The following GRM8 variants were observed in gnomAD, a reference collection of about 807,000 sequenced individuals.
The protein encoded by GRM8 is glutamate metabotropic receptor 8.
A neutral mutation model predicts 87.2 loss-of-function variants in GRM8; 47 were observed. That is an observed-to-expected ratio of 0.54 (90% CI 0.43 to 0.69). GRM8 has a LOEUF of 0.69. GRM8 is among the 30% of genes least tolerant of loss of function. GRM8 has a pLI of 0.00. For missense variants in GRM8, 1,019 were observed against 1,139.2 expected (o/e 0.89, Z 1.52); for synonymous variants, 396 against 404.5 (o/e 0.98, Z 0.25).
intron 3 of GRM8, among the ~76,000 whole-genome samples, chr7:127,052,430 G>A (rs1228459087): frequency 6.6e-6 from 1 of 152,034 alleles, no homozygotes; most frequent in Non-Finnish European, 1.5e-5. Flanking sequence ...AATGGGCTGG[G>A]GACTAATAAC....
intron 3 of GRM8, among the ~76,000 whole-genome samples, chr7:126,931,995 C>T (rs1249101560): frequency 2.6e-5 from 4 of 152,242 alleles, no homozygotes; most frequent in Admixed American, 6.5e-5. Flanking sequence ...ATTAACATTC[C>T]TTTTAATCTT....
At chr7:127,227,049 A>G (rs1797373395) in intron 2 of GRM8, among the ~76,000 whole-genome samples, 1 of 152,246 alleles carries the variant, frequency 6.6e-6, no homozygotes. Context: ...AAAGATCAAA[A>G]GTGTTTTCAA....
At chr7:127,198,204 G>A (rs1233998282) in intron 2 of GRM8, among the ~76,000 whole-genome samples, 1 of 151,960 alleles carries the variant, frequency 6.6e-6, no homozygotes, top group Admixed American at 6.6e-5. Context: ...TATCTGTGTT[G>A]GGAACATTAT....
At chr7:126,606,387 T>C (rs951909538) in intron 8 of GRM8, among the ~76,000 whole-genome samples, 2 of 152,200 alleles carry the variant, frequency 1.3e-5, no homozygotes, top group African/African-American at 4.8e-5. Context: ...AGGGCTTTGT[T>C]GTATTACTTC....
intron 2 of GRM8, among the ~76,000 whole-genome samples, chr7:127,154,091 A>G (rs1452194879): frequency 6.6e-6 from 1 of 152,122 alleles, no homozygotes; most frequent in Non-Finnish European, 1.5e-5. Flanking sequence ...GTAGCACCAT[A>G]TATCACTGCC....
intron 9 of GRM8, among the ~76,000 whole-genome samples, chr7:126,457,067 G>T (rs917470018): frequency 2.0e-5 from 3 of 151,512 alleles, no homozygotes; most frequent in Non-Finnish European, 3.0e-5. Flanking sequence ...GAATGTGTCT[G>T]TGTGTGTGCC....
intron 3 of GRM8, among the ~76,000 whole-genome samples, chr7:127,014,901 A>T (rs767585474): frequency 1.4e-5 from 2 of 147,258 alleles, no homozygotes; most frequent in South Asian, 4.6e-4. Flanking sequence ...CACATCCAAC[A>T]TGGGAGGGGA....
At chr7:127,017,215 C>T (rs527427697) in intron 3 of GRM8, among the ~76,000 whole-genome samples, 6 of 152,134 alleles carry the variant, frequency 3.9e-5, no homozygotes, top group African/African-American at 7.2e-5. Context: ...ACAAAATTCA[C>T]GACCTATTTT....
intron 7 of GRM8, among the ~76,000 whole-genome samples, chr7:126,738,684 T>G: frequency 1.7e-5 from 2 of 115,612 alleles, no homozygotes. Flanking sequence ...TGGTCAAGAT[T>G]ACCAGTGTGG....
At chr7:127,185,907 G>T (rs1794710007) in intron 2 of GRM8, among the ~76,000 whole-genome samples, 1 of 152,138 alleles carries the variant, frequency 6.6e-6, no homozygotes. Context: ...CATTAAGTAT[G>T]CATTACTATC....
At chr7:126,750,197 G>A (rs553374436) in intron 7 of GRM8, among the ~76,000 whole-genome samples, 36 of 152,138 alleles carry the variant, frequency 2.4e-4, no homozygotes, top group African/African-American at 8.2e-4. Flanking sequence ...TAAAAACTTC[G>A]TGCTAAGTGG....
chr7:127,171,823 T>C (rs1166188476), intron 2 of GRM8, among the ~76,000 whole-genome samples: 5 of 152,210 alleles, frequency 3.3e-5, no homozygotes, highest in Admixed American at 1.3e-4. Context: ...TATTATAATC[T>C]ACAAGTAAGC....
chr7:127,142,217 A>T (rs1438154891), intron 2 of GRM8, among the ~76,000 whole-genome samples: 1 of 151,988 alleles, frequency 6.6e-6, no homozygotes, highest in African/African-American at 2.4e-5. Context: ...GCTTCAAGTG[A>T]TCCTCTCACC....
intron 2 of GRM8, among the ~76,000 whole-genome samples, chr7:127,113,918 C>T (rs1054492652): frequency 2.0e-5 from 3 of 152,094 alleles, no homozygotes; most frequent in African/African-American, 7.2e-5. Context: ...AGTCAATGTC[C>T]AGCACTGGCC....
chr7:126,485,978 C>T (rs778905378), intron 9 of GRM8, among the ~76,000 whole-genome samples: 16 of 152,026 alleles, frequency 1.1e-4, no homozygotes, highest in Non-Finnish European at 2.2e-4. Flanking sequence ...CATTAAGTCA[C>T]GTACCTCTAC....
chr7:127,185,410 T>C (rs17869373), intron 2 of GRM8, among the ~76,000 whole-genome samples: 5 of 152,202 alleles, frequency 3.3e-5, no homozygotes, highest in East Asian at 1.9e-4. Flanking sequence ...GATGTTTATA[T>C]GCAAAAATAA....
intron 2 of GRM8, among the ~76,000 whole-genome samples, chr7:127,193,060 CT>C (rs1223112037): frequency 2.0e-5 from 3 of 152,132 alleles, no homozygotes; most frequent in Non-Finnish European, 4.4e-5. Context: ...TACCATAAGA[CT>C]TATGTAAGTA....
chr7:126,475,273 G>A (rs1413862004), intron 9 of GRM8, among the ~76,000 whole-genome samples: 2 of 152,014 alleles, frequency 1.3e-5, no homozygotes, highest in Admixed American at 1.3e-4. Context: ...AACAAATTCA[G>A]TATAGTTGTA....
chr7:127,209,375 GCTGTTGA>G (rs748639711), intron 2 of GRM8, among the ~76,000 whole-genome samples: 1 of 152,194 alleles, frequency 6.6e-6, no homozygotes, highest in Non-Finnish European at 1.5e-5. Context: ...CAAGATCTCA[GCTGTTGA>G]CTGTTCAGTG....
Sources: gnomAD v4.1 joint callset for allele counts (sites outside exome capture counted in the v4.1 genomes callset) on GRCh38, gnomAD v4.1.1 for gene constraint, MANE v1.5 for transcripts, NCBI Gene and HGNC (gene_info 2026-07-23, HGNC 2026-07-21) for gene names.